ZRANB3: variants seen among roughly 807,000 people sequenced by gnomAD.
The protein encoded by ZRANB3 is zinc finger RANBP2-type containing 3.
ZRANB3 carries 125 observed loss-of-function variants against 133.8 expected under a neutral mutation model. The ratio of observed to expected loss-of-function variants is 0.93; its 90% confidence interval spans 0.81 to 1.08. The LOEUF (loss-of-function observed/expected upper bound fraction) is 1.08, where lower values mean the gene tolerates loss of function less well. Among genes scored for constraint, ZRANB3 ranks in the 50% least tolerant of loss-of-function variants. The pLI is 0.00. For synonymous variants in ZRANB3, 387 were observed against 432.7 expected (o/e 0.89, Z 1.31); for missense variants, 1,229 against 1,275.5 (o/e 0.96, Z 0.56).
Position 135,233,657 on chromosome 2 carries a change from G to T in ZRANB3, c.1540-2730C>A, listed in dbSNP as rs55904197. ...CAATATTCAACATTCTCAAAGAAAA[G>T]AATTTTCAACCTAGAATTTCATATC... On this transcript the variant is annotated intron_variant, in intron 12 of 20. Transcript: ENST00000264159. Among the ~76,000 whole-genome samples the T allele has an allele frequency of 9.6e-3, 1,464 of 152,266 alleles. 24 individuals are homozygous for T. Among genetic ancestry groups the T allele is most frequent in the African/African-American group, 0.034 (1,399 of 41,542 alleles).
intron 2 of ZRANB3, among the ~76,000 whole-genome samples, chr2:135,453,998 G>T (rs1278545509): frequency 1.3e-5 from 2 of 152,194 alleles, no homozygotes; most frequent in African/African-American, 2.4e-5. Context: ...CACATGACTG[G>T]GGAGGCCTCA....
chr2:135,227,867 C>T lies in ZRANB3; in HGVS notation c.2103G>A (p.Lys701=). ...QSEPGQLADS[K]EETPKIEKED... ...CTTTCTCAATTTTTGGTGTTTCTTC[C>T]TTGCTGTCAGCCAACTGGCCAGGTT... is the stretch of plus-strand genomic sequence containing the variant. Residue 701 remains lysine, a synonymous_variant, in exon 14 of 21, where the codon AAG becomes AAA. Coordinates refer to ENST00000264159, the MANE Select transcript of ZRANB3 (RefSeq NM_032143.4). 6.3e-7 allele frequency: 1 copy of T among 1,575,710 alleles called. No individual in the cohort carries two copies.
Position 135,245,926 on chromosome 2 carries a change from C to CAAAAAAAAAAAAAAAAAAAAAAA in ZRANB3, c.1540-15000_1540-14999insTTTTTTTTTTTTTTTTTTTTTTT, listed in dbSNP as rs1177438717. Among the ~76,000 whole-genome samples the CAAAAAAAAAAAAAAAAAAAAAAA allele has an allele frequency of 8.2e-4, 16 of 19,550 alleles. 2 individuals are homozygous for CAAAAAAAAAAAAAAAAAAAAAAA. Among genetic ancestry groups the CAAAAAAAAAAAAAAAAAAAAAAA allele is most frequent in the African/African-American group, 3.7e-3 (13 of 3,506 alleles). 12.8% of individuals were successfully genotyped at this position (19,550 alleles called of 152,430 possible). On this transcript the variant is annotated intron_variant, in intron 12 of 20. Transcript: ENST00000264159. Reference sequence around the variant, plus strand: ...GGGCAACGAGATTGAAACTCCGTCTCAAAAAAAAAAAAAAAAAAAAAAGAG... The same window carrying CAAAAAAAAAAAAAAAAAAAAAAA: ...GGGCAACGAGATTGAAACTCCGTCTCAAAAAAAAAAAAAAAAAAAAAAAAAAAAAAAAAAAAAAAAAAAAAGAG...
intron 1 of ZRANB3, chr2:135,530,750 C>A (rs1352941260): frequency 6.6e-6 from 1 of 152,276 alleles, no homozygotes; most frequent in African/African-American, 2.4e-5. Context: ...AGCCTCGCGA[C>A]AACTCGTTCT....
chr2:135,372,374 A>T (rs1042332713), intron 3 of ZRANB3, among the ~76,000 whole-genome samples: 2 of 152,148 alleles, frequency 1.3e-5, no homozygotes, highest in Non-Finnish European at 2.9e-5. Context: ...TATTTTTGTT[A>T]TAGGAGTCAG....
At chr2:135,261,864 T>C (rs1011105756) in intron 12 of ZRANB3, among the ~76,000 whole-genome samples, 11 of 151,998 alleles carry the variant, frequency 7.2e-5, no homozygotes, top group African/African-American at 1.2e-4. Context: ...ATAAGCATTG[T>C]TGAAAGAAAC....
At chr2:135,408,353 A>T (rs904545524) in intron 2 of ZRANB3, among the ~76,000 whole-genome samples, 3 of 152,168 alleles carry the variant, frequency 2.0e-5, no homozygotes, top group Admixed American at 6.6e-5. Flanking sequence ...GTGGAGAAAT[A>T]GGAACACTTT....
At chr2:135,316,722 C>T (rs1367671985) in intron 6 of ZRANB3, among the ~76,000 whole-genome samples, 1 of 152,058 alleles carries the variant, frequency 6.6e-6, no homozygotes, top group African/African-American at 2.4e-5. Flanking sequence ...AATCCCAGCA[C>T]TTTGGGACGC....
chr2:135,497,851 G>A (rs1398231984), intron 2 of ZRANB3, among the ~76,000 whole-genome samples: 4 of 152,030 alleles, frequency 2.6e-5, no homozygotes, highest in Middle Eastern at 3.2e-3. Context: ...TCAGGAGTTC[G>A]AGATGAGCCA....
At chr2:135,205,581 G>A (rs1379102498) in intron 19 of ZRANB3, among the ~76,000 whole-genome samples, 2 of 152,062 alleles carry the variant, frequency 1.3e-5, no homozygotes, top group African/African-American at 2.4e-5. Context: ...GTAACTCTTG[G>A]CTCAAGCAAT....
At chr2:135,382,191 C>T (rs570312002) in intron 3 of ZRANB3, among the ~76,000 whole-genome samples, 6 of 152,086 alleles carry the variant, frequency 3.9e-5, no homozygotes, top group South Asian at 4.2e-4. Flanking sequence ...AACTACGTGA[C>T]GAATGCACAA....
At position 135,417,437 on chromosome 2, in the gene ZRANB3, C is replaced by T. The variant is rs1399567133; in HGVS notation, c.162-26617G>A. On this transcript the variant is annotated intron_variant, in intron 2 of 20. Coordinates refer to ENST00000264159, the MANE Select transcript of ZRANB3 (RefSeq NM_032143.4). Reference sequence around the variant, plus strand: ...TACCATCTCACACCAGTTAGAATGGCAATCATTAAAAAGTCAGGAAACAAC... The same window carrying T: ...TACCATCTCACACCAGTTAGAATGGTAATCATTAAAAAGTCAGGAAACAAC... Among the ~76,000 whole-genome samples, 7 of 151,936 alleles carry T rather than the reference C, an allele frequency of 4.6e-5. No individual in the cohort carries two copies. The East Asian group carries it at 9.6e-4, about 21-fold the overall frequency.
intron 8 of ZRANB3, among the ~76,000 whole-genome samples, chr2:135,298,109 T>A (rs980111268): frequency 1.3e-5 from 2 of 152,090 alleles, no homozygotes; most frequent in Admixed American, 6.5e-5. Context: ...ACACCTGTTG[T>A]CCTAGCTACT....
intron 12 of ZRANB3, among the ~76,000 whole-genome samples, chr2:135,247,934 G>GT (rs933177873): frequency 2.2e-4 from 33 of 152,124 alleles, no homozygotes; most frequent in African/African-American, 7.7e-4. Flanking sequence ...TTTTAAGTGA[G>GT]TCCCCGATCC....
At chr2:135,388,435 A>G (rs1687077304) in intron 3 of ZRANB3, among the ~76,000 whole-genome samples, 1 of 152,180 alleles carries the variant, frequency 6.6e-6, no homozygotes, top group Middle Eastern at 3.2e-3. Flanking sequence ...TACAACATCA[A>G]AATGAGGACC....
intron 2 of ZRANB3, among the ~76,000 whole-genome samples, chr2:135,414,085 T>A (rs1347620849): frequency 6.6e-6 from 1 of 151,060 alleles, no homozygotes; most frequent in Non-Finnish European, 1.5e-5. Flanking sequence ...AATGGCAGGA[T>A]CAAATTCACA....
intron 18 of ZRANB3, among the ~76,000 whole-genome samples, chr2:135,208,599 C>T (rs1286138673): frequency 1.3e-5 from 2 of 152,206 alleles, no homozygotes; most frequent in Admixed American, 6.5e-5. Flanking sequence ...CAGATTTAAC[C>T]TCAGGTCTCC....
At chr2:135,413,051 C>T (rs775907218) in intron 2 of ZRANB3, among the ~76,000 whole-genome samples, 1 of 152,126 alleles carries the variant, frequency 6.6e-6, no homozygotes, top group Non-Finnish European at 1.5e-5. Flanking sequence ...AAACAAAACA[C>T]TGAATGTTAT....
intron 2 of ZRANB3, among the ~76,000 whole-genome samples, chr2:135,403,788 G>A (rs1270355577): frequency 6.6e-6 from 1 of 152,166 alleles, no homozygotes; most frequent in African/African-American, 2.4e-5. Context: ...AACATTTGCT[G>A]TTCACCAATA....
Sources: gnomAD v4.1 joint callset for allele counts (sites outside exome capture counted in the v4.1 genomes callset) on GRCh38, gnomAD v4.1.1 for gene constraint, MANE v1.5 for transcripts, NCBI Gene and HGNC (gene_info 2026-07-23, HGNC 2026-07-21) for gene names.